Variants in RIMS1 observed in about 807,000 individuals in gnomAD.
RIMS1 encodes the protein regulating synaptic membrane exocytosis 1.
In RIMS1, 83 loss-of-function variants were observed where a neutral mutation model predicts 214.1. That is an observed-to-expected ratio of 0.39 (90% CI 0.32 to 0.47). The LOEUF is 0.47. Among genes scored for constraint, RIMS1 ranks in the 20% least tolerant of loss-of-function variants. The pLI, the probability that RIMS1 is intolerant of heterozygous loss-of-function variation, is 0.99. For synonymous variants in RIMS1, 793 were observed against 786.8 expected (o/e 1.01, Z -0.13); for missense variants, 2,050 against 2,161.8 (o/e 0.95, Z 1.03).
intron 6 of RIMS1, among the ~76,000 whole-genome samples, chr6:72,201,774 C>T (rs1313772921): frequency 6.6e-6 from 1 of 152,204 alleles, no homozygotes; most frequent in Non-Finnish European, 1.5e-5. Flanking sequence ...CCTGAGTCCA[C>T]ATTCCAGAGT....
chr6:72,233,773 G>A lies in RIMS1; in HGVS notation c.1679G>A (p.Gly560Asp). 1 of 1,566,306 alleles carries A rather than the reference G, an allele frequency of 6.4e-7. No individual in the cohort carries two copies. Among genetic ancestry groups the A allele is most frequent in the Non-Finnish European group, 8.7e-7 (1 of 1,152,328 alleles). Residue 560 changes from glycine to aspartate, a missense_variant and splice_region_variant, in exon 7 of 34, where the codon GGT becomes GAT. Physicochemically the swap from Gly to Asp is moderately conservative, Grantham distance 94. This residue lies in a region of RIMS1 where 882 missense variants were observed against 828.9 expected (regional missense o/e 1.06). Coordinates refer to ENST00000521978, the MANE Select transcript of RIMS1 (RefSeq NM_014989.7). ...ELESESVSEK[G>D]DLDYYWLDPA... ...TTTTCATTCTTTTTGTATTGCACAG[G>A]TGATTTGGATTATTACTGGTTGGAT... is the stretch of plus-strand genomic sequence containing the variant.
chr6:72,232,783 A>G (rs2062496501), intron 6 of RIMS1, among the ~76,000 whole-genome samples: 1 of 151,716 alleles, frequency 6.6e-6, no homozygotes, highest in Non-Finnish European at 1.5e-5. Context: ...ATTAAAAATT[A>G]TTTCATGTAG....
chr6:71,943,033 AGTC>A (rs1786661650), intron 1 of RIMS1, among the ~76,000 whole-genome samples: 1 of 152,160 alleles, frequency 6.6e-6, no homozygotes, highest in Non-Finnish European at 1.5e-5. Flanking sequence ...TATTTTAAAG[AGTC>A]AAGATACCGT....
At chr6:72,323,743 T>A (rs1294386795) in intron 28 of RIMS1, among the ~76,000 whole-genome samples, 1 of 151,514 alleles carries the variant, frequency 6.6e-6, no homozygotes, top group Non-Finnish European at 1.5e-5. Context: ...CAATAATATA[T>A]GTAAGAGAGA....
intron 1 of RIMS1, among the ~76,000 whole-genome samples, chr6:71,954,863 C>CT (rs1790718192): frequency 1.5e-5 from 2 of 137,654 alleles, no homozygotes; most frequent in African/African-American, 5.8e-5. Context: ...CACACACACA[C>CT]ACACACTCCA....
chr6:72,101,934 G>A (rs2033685898), intron 4 of RIMS1, among the ~76,000 whole-genome samples: 1 of 151,964 alleles, frequency 6.6e-6, no homozygotes, highest in South Asian at 2.1e-4. Context: ...ATGGGCATAT[G>A]TAATGGTTGA....
intron 2 of RIMS1, among the ~76,000 whole-genome samples, chr6:72,015,367 A>G (rs985406135): frequency 5.3e-5 from 8 of 152,228 alleles, no homozygotes; most frequent in African/African-American, 2.4e-5. Context: ...GATTTTTTGT[A>G]TATTGATCTT....
At chr6:72,332,116 A>G (rs1218894137) in intron 28 of RIMS1, among the ~76,000 whole-genome samples, 3 of 151,852 alleles carry the variant, frequency 2.0e-5, no homozygotes, top group Non-Finnish European at 4.4e-5. Flanking sequence ...TTTATAATTT[A>G]TAATCATATT....
At chr6:72,262,073 CAAA>C (rs889432793) in intron 19 of RIMS1, 1 of 984,022 alleles carries the variant, frequency 1.0e-6, no homozygotes, top group Non-Finnish European at 1.2e-6. Context: ...AAAACAAACA[CAAA>C]AAAAATCCTT....
chr6:72,271,100 T>C (rs1180859688), intron 22 of RIMS1, among the ~76,000 whole-genome samples: 1 of 151,584 alleles, frequency 6.6e-6, no homozygotes, highest in Admixed American at 6.6e-5. Flanking sequence ...ACCCCGTCTC[T>C]ATGAAAAATA....
chr6:72,059,166 A>C (rs72931458), intron 2 of RIMS1, among the ~76,000 whole-genome samples: 2,525 of 152,338 alleles, frequency 0.017, 34 homozygotes, highest in Non-Finnish European at 0.027. Flanking sequence ...CAGATTTTTC[A>C]TACAAAAGAT....
intron 9 of RIMS1, among the ~76,000 whole-genome samples, chr6:72,240,959 T>A (rs1306285867): frequency 1.3e-5 from 2 of 152,106 alleles, no homozygotes; most frequent in African/African-American, 2.4e-5. Flanking sequence ...GAGGTTGCAG[T>A]GAGCCGAGAT....
chr6:72,391,833 GA>G (rs2098707739), intron 30 of RIMS1, among the ~76,000 whole-genome samples: 1 of 152,166 alleles, frequency 6.6e-6, no homozygotes, highest in African/African-American at 2.4e-5. Context: ...ATATACAAAT[GA>G]GACTTGAACA....
intron 2 of RIMS1, among the ~76,000 whole-genome samples, chr6:72,038,115 A>ATG (rs1820361199): frequency 1.7e-5 from 1 of 58,542 alleles, no homozygotes; most frequent in African/African-American, 1.1e-4. Flanking sequence ...AAAAAAAAAA[A>ATG]AAAATATATA....
At chr6:72,289,225 C>T (rs926569660) in intron 24 of RIMS1, among the ~76,000 whole-genome samples, 17 of 151,998 alleles carry the variant, frequency 1.1e-4, no homozygotes, top group Non-Finnish European at 1.8e-4. Flanking sequence ...ATTCCATTTG[C>T]GAGCCACGTT....
At chr6:72,097,287 C>G in intron 3 of RIMS1, 125 bp downstream of exon 3, 1 of 789,642 alleles carries the variant, frequency 1.3e-6, no homozygotes, top group Non-Finnish European at 2.1e-6. Flanking sequence ...TAAAATGAAC[C>G]TCCCTCATTT....
chr6:72,110,326 T>A (rs979320649), intron 4 of RIMS1, among the ~76,000 whole-genome samples: 14 of 152,166 alleles, frequency 9.2e-5, no homozygotes, highest in South Asian at 2.1e-4. Flanking sequence ...GATTCTTCCT[T>A]CCCATGAGCA....
At chr6:72,301,954 T>C (rs983574872) in intron 26 of RIMS1, among the ~76,000 whole-genome samples, 3 of 151,628 alleles carry the variant, frequency 2.0e-5, no homozygotes, top group African/African-American at 7.2e-5. Flanking sequence ...ATCTGGAAAT[T>C]AGGTAATAAA....
intron 2 of RIMS1, among the ~76,000 whole-genome samples, chr6:72,001,536 C>A (rs1240123476): frequency 1.3e-5 from 2 of 151,966 alleles, no homozygotes; most frequent in Admixed American, 6.6e-5. Context: ...TGAATGTGCT[C>A]TTTGTTAGGG....
Sources: gnomAD v4.1 joint callset for allele counts (sites outside exome capture counted in the v4.1 genomes callset) on GRCh38, gnomAD v4.1.1 for gene constraint, gnomAD v4.1.1 regional missense constraint, MANE v1.5 for transcripts, NCBI Gene and HGNC (gene_info 2026-07-23, HGNC 2026-07-21) for gene names.